The following BRIP1 variants were observed in gnomAD, a reference collection of about 807,000 sequenced individuals.
BRIP1 encodes Fanconi anemia group J protein.
A neutral mutation model predicts 119.7 loss-of-function variants in BRIP1; 88 were observed. That is an observed-to-expected ratio of 0.74 (90% CI 0.62 to 0.88). BRIP1 has a LOEUF of 0.88. BRIP1 is among the 40% of genes least tolerant of loss of function. BRIP1 has a pLI of 0.00. For missense variants in BRIP1, 1,259 were observed against 1,455.4 expected, an observed-to-expected ratio of 0.87 and a Z score of 2.20; for synonymous variants, 443 against 496.5, an observed-to-expected ratio of 0.89 and a Z score of 1.43.
In BRIP1 at chr17:61,701,237, C is replaced by T. The variant is rs1567744516; in HGVS notation, c.2493-7725G>A. Among the ~76,000 whole-genome samples the T allele has an allele frequency of 1.3e-5, 2 of 152,172 alleles. No individual in the cohort carries two copies. Among genetic ancestry groups the T allele is most frequent in the Non-Finnish European group, 2.9e-5 (2 of 68,020 alleles). On this transcript the variant is annotated intron_variant, in intron 17 of 19. Coordinates refer to ENST00000259008, the MANE Select transcript of BRIP1 (RefSeq NM_032043.3). This position sits in a 1 kb window ranked among gnomAD's most constrained non-coding sequence, Gnocchi z 5.1. ...GTCATGATTTTTGTTGAAAACAGTA[C>T]ATTTTAAATAATATAATGTGGCAAA...
At position 61,757,916 on chromosome 17, in the gene BRIP1, C is replaced by T. The variant is rs148030960; in HGVS notation, c.2098-13325G>A. Among the ~76,000 whole-genome samples, 328 of 150,860 alleles carry T rather than the reference C, an allele frequency of 2.2e-3. 1 individual carries two copies. Among genetic ancestry groups the T allele is most frequent in the African/African-American group, 7.4e-3 (302 of 41,028 alleles). ...GCTGAAGTGGGAGGATCACCTGAGC[C>T]AGGGAGGTAAAGACTACAGTGAGCC... On this transcript the variant is annotated intron_variant, in intron 14 of 19. Transcript: ENST00000259008. This position sits in a 1 kb window ranked among gnomAD's most constrained non-coding sequence, Gnocchi z 4.3.
chr17:61,728,640 A>G (rs2076802515), intron 16 of BRIP1, among the ~76,000 whole-genome samples: 1 of 152,214 alleles, frequency 6.6e-6, no homozygotes, highest in African/African-American at 2.4e-5. Context: ...AAGATGAAAC[A>G]GTAAGCAAGA....
intron 17 of BRIP1, among the ~76,000 whole-genome samples, chr17:61,707,214 A>C (rs978810824): frequency 1.3e-5 from 2 of 152,038 alleles, no homozygotes; most frequent in African/African-American, 4.8e-5. Context: ...ATTTGAAGAC[A>C]ATTTCTTCTA....
chr17:61,707,731 GA>G (rs2061712310), intron 17 of BRIP1, among the ~76,000 whole-genome samples: 1 of 151,914 alleles, frequency 6.6e-6, no homozygotes, highest in South Asian at 2.1e-4. Flanking sequence ...TGGATATTAA[GA>G]TTTTTTTTTG....
At chr17:61,741,833 A>C (rs1232796665) in intron 16 of BRIP1, among the ~76,000 whole-genome samples, 1 of 152,220 alleles carries the variant, frequency 6.6e-6, no homozygotes, top group Non-Finnish European at 1.5e-5. Flanking sequence ...TAGGATTTTT[A>C]AAATGTTAAA....
chr17:61,700,289 A>C lies in BRIP1; in HGVS notation c.2493-6777T>G, dbSNP rs1370103382. Among the ~76,000 whole-genome samples, 1 of 152,142 alleles carries C rather than the reference A, an allele frequency of 6.6e-6. No homozygotes were observed. The highest frequency in any genetic ancestry group is 2.4e-5 in the African/African-American group (1 of 41,428). ...TACGTATGTCGTTAACTTTGTGGGT[A>C]TTCTTTATTTCATCGTGTGCATCTG... On this transcript the variant is annotated intron_variant, in intron 17 of 19. Coordinates refer to ENST00000259008, the MANE Select transcript of BRIP1 (RefSeq NM_032043.3). The surrounding 1 kb of genome is among the most constrained non-coding windows in gnomAD (Gnocchi z 4.1).
At chr17:61,858,504 G>T (rs1371838145) in intron 3 of BRIP1, among the ~76,000 whole-genome samples, 2 of 151,828 alleles carry the variant, frequency 1.3e-5, no homozygotes, top group South Asian at 2.1e-4. Context: ...CTCTCGAGTA[G>T]CTGGGATTAC....
chr17:61,777,869 C>A (rs1369993083), intron 13 of BRIP1, among the ~76,000 whole-genome samples: 9 of 152,080 alleles, frequency 5.9e-5, no homozygotes, highest in Admixed American at 5.9e-4. Flanking sequence ...TCATCTCCCC[C>A]AAGCCCTCCC....
rs876658780 is a variant in BRIP1 at position 61,847,195 on chromosome 17, G to A, written c.533C>T (p.Thr178Ile). 2 of 1,613,600 alleles carry A rather than the reference G, an allele frequency of 1.2e-6. No individual in the cohort carries two copies. Among genetic ancestry groups the A allele is most frequent in the Non-Finnish European group, 1.7e-6 (2 of 1,179,660 alleles). The change falls in exon 6 of 20, where the codon ACA becomes ATA. Residue 178 changes from threonine to isoleucine, a missense_variant. Coordinates refer to ENST00000259008, the MANE Select transcript of BRIP1 (RefSeq NM_032043.3). Reference sequence around the variant, plus strand: ...TTTTGCATCCAAATTGTGTACTTCTGTTCCAAAGCAATGACGTTTTCTAAT... The same window carrying A: ...TTTTGCATCCAAATTGTGTACTTCTATTCCAAAGCAATGACGTTTTCTAAT... ...QQIRKRHCFG[T>I]EVHNLDAKVD...
intron 14 of BRIP1, among the ~76,000 whole-genome samples, chr17:61,749,282 C>A (rs1603306106): frequency 6.6e-6 from 1 of 151,144 alleles, no homozygotes; most frequent in Admixed American, 6.6e-5. Flanking sequence ...CCACAACAAA[C>A]TAAAAGGTTT....
At position 61,688,324 on chromosome 17, in the gene BRIP1, T is replaced by C. The variant is rs534625476; in HGVS notation, c.2576-2159A>G. On this transcript the variant is annotated intron_variant, in intron 18 of 19. Transcript: ENST00000259008. ...GGTGAAACCCCATCTCTACAAAAAA[T>C]ACAAGAATTAACTGGGTATAGTGGT... Among the ~76,000 whole-genome samples the C allele has an allele frequency of 3.5e-4, 53 of 152,074 alleles. No individual in the cohort carries two copies. In the South Asian group the frequency reaches 0.011, roughly 32 times the overall value.
chr17:61,782,673 C>A (rs1046137926), intron 11 of BRIP1, among the ~76,000 whole-genome samples: 1 of 151,004 alleles, frequency 6.6e-6, no homozygotes, highest in South Asian at 2.1e-4. Flanking sequence ...AACAAAAAAA[C>A]CCAATAATTC....
chr17:61,854,135 G>GT (rs2078860965), intron 4 of BRIP1, among the ~76,000 whole-genome samples: 2 of 152,082 alleles, frequency 1.3e-5, no homozygotes. Context: ...TAGGTGTGGT[G>GT]GTGCATGCCA....
intron 14 of BRIP1, among the ~76,000 whole-genome samples, chr17:61,764,029 G>T (rs2077315683): frequency 6.6e-6 from 1 of 152,052 alleles, no homozygotes; most frequent in Admixed American, 6.6e-5. Context: ...ATCTTATTCA[G>T]CCACCCATTG....
At position 61,828,151 on chromosome 17, in the gene BRIP1, C is replaced by T. The variant is rs1012317808; in HGVS notation, c.627+18950G>A. Among the ~76,000 whole-genome samples, 1 of 152,154 alleles carries T rather than the reference C, an allele frequency of 6.6e-6. No homozygotes were observed. The highest frequency in any genetic ancestry group is 1.5e-5 in the Non-Finnish European group (1 of 68,032). ...CAAAATAGCAAAAAGATGGAAACAA[C>T]CCAGATGTCCACTGGCAGATGAACG... On this transcript the variant is annotated intron_variant, in intron 6 of 19. Coordinates refer to ENST00000259008, the MANE Select transcript of BRIP1 (RefSeq NM_032043.3). The surrounding 1 kb of genome is among the most constrained non-coding windows in gnomAD (Gnocchi z 4.1).
In BRIP1 at chr17:61,768,770, T is replaced by G. The variant is rs183123473; in HGVS notation, c.2097+7631A>C. Reference sequence around the variant, plus strand: ...AGACTTTACTTCCATGATTAGATTATATTATGTAGTAAAGATGAGGGGATT... The same window carrying G: ...AGACTTTACTTCCATGATTAGATTAGATTATGTAGTAAAGATGAGGGGATT... On this transcript the variant is annotated intron_variant, in intron 14 of 19. Coordinates refer to ENST00000259008, the MANE Select transcript of BRIP1 (RefSeq NM_032043.3). This position sits in a 1 kb window ranked among gnomAD's most constrained non-coding sequence, Gnocchi z 5.0. 1.2e-4 allele frequency among the ~76,000 whole-genome samples: 18 copies of G among 152,226 alleles called. No individual in the cohort carries two copies. The East Asian group carries it at 2.5e-3, about 21-fold the overall frequency.
Position 61,751,747 on chromosome 17 carries a change from G to C in BRIP1, c.2098-7156C>G, listed in dbSNP as rs72842980. ...AAACTAATACCTTTAGCTTTAGGGG[G>C]ATACAATTGGGAAGGAACAAATGGA... On this transcript the variant is annotated intron_variant, in intron 14 of 19. Coordinates refer to ENST00000259008, the MANE Select transcript of BRIP1 (RefSeq NM_032043.3). The surrounding 1 kb of genome is among the most constrained non-coding windows in gnomAD (Gnocchi z 6.7). 6.6e-6 allele frequency among the ~76,000 whole-genome samples: 1 copy of C among 151,650 alleles called. No homozygotes were observed. Among genetic ancestry groups the C allele is most frequent in the South Asian group, 2.1e-4 (1 of 4,808 alleles).
chr17:61,759,838 G>A lies in BRIP1; in HGVS notation c.2098-15247C>T, dbSNP rs368214074. 2.6e-4 allele frequency among the ~76,000 whole-genome samples: 39 copies of A among 151,360 alleles called. No individual in the cohort carries two copies. The highest frequency in any genetic ancestry group is 8.7e-4 in the African/African-American group (36 of 41,270). ...AGTGAGTACATAGTATTGGAAAAAT[G>A]GTGACAATAGACTTGCTTGACACAG... On this transcript the variant is annotated intron_variant, in intron 14 of 19. Transcript: ENST00000259008. The surrounding 1 kb of genome is among the most constrained non-coding windows in gnomAD (Gnocchi z 4.9).
rs1208753968 is a variant in BRIP1 at position 61,808,136 on chromosome 17, C to G, written c.918+331G>C. The stretch of plus-strand genomic sequence containing the variant: ...ATTAATTAGATCTAATTAGACTAAA[C>G]CATTTAAACACTTCTATCTCCTCAT... On this transcript the variant is annotated intron_variant, in intron 7 of 19. Transcript: ENST00000259008. The surrounding 1 kb of genome is among the most constrained non-coding windows in gnomAD (Gnocchi z 4.1). Among the ~76,000 whole-genome samples, 1 of 152,000 alleles carries G rather than the reference C, an allele frequency of 6.6e-6. No individual in the cohort carries two copies. The highest frequency in any genetic ancestry group is 6.6e-5 in the Admixed American group (1 of 15,256).
Sources: allele counts gnomAD v4.1 joint callset (sites outside exome capture counted in the v4.1 genomes callset), GRCh38; gene constraint gnomAD v4.1.1; non-coding constraint Gnocchi (gnomAD v3.1); transcripts MANE v1.5; gene names NCBI Gene and HGNC (gene_info 2026-07-23, HGNC 2026-07-21).